PTPRM: variants seen among roughly 807,000 people sequenced by gnomAD.
PTPRM encodes receptor-type tyrosine-protein phosphatase mu.
In PTPRM, 47 loss-of-function variants were observed where a neutral mutation model predicts 186.7. That is an observed-to-expected ratio of 0.25 (90% confidence interval 0.20 to 0.32). The LOEUF (loss-of-function observed/expected upper bound fraction) is 0.32, where lower values mean the gene tolerates loss of function less well. PTPRM is among the 10% of genes least tolerant of loss of function. The probability of loss-of-function intolerance (pLI) is 1.00; values close to 1 mark genes in which losing one functional copy is unlikely to be tolerated. For synonymous variants in PTPRM, 668 were observed against 674.9 expected (o/e 0.99, Z 0.16); for missense variants, 1,494 against 1,865.0 (o/e 0.80, Z 3.66).
chr18:8,244,320 C>A, intron 15 of PTPRM, 111 bp downstream of exon 15: 1 of 1,123,974 alleles, frequency 8.9e-7, no homozygotes, highest in African/African-American at 1.6e-5. Flanking sequence ...AATTTTTATG[C>A]CGTGTTGGTT....
chr18:7,611,394 C>T (rs1390526439), intron 1 of PTPRM, among the ~76,000 whole-genome samples: 1 of 152,194 alleles, frequency 6.6e-6, no homozygotes, highest in African/African-American at 2.4e-5. Flanking sequence ...ACTTGCAGTC[C>T]TGCGAGCTCC....
intron 23 of PTPRM, chr18:8,366,811 A>AT (rs1316617088): frequency 1.3e-5 from 2 of 152,170 alleles, no homozygotes; most frequent in Non-Finnish European, 2.9e-5. Context: ...TAATTAGACG[A>AT]TCTGTTTCTG....
intron 19 of PTPRM, among the ~76,000 whole-genome samples, chr18:8,284,170 A>G (rs1294771353): frequency 6.6e-6 from 1 of 152,186 alleles, no homozygotes; most frequent in Non-Finnish European, 1.5e-5. Flanking sequence ...ATTGACCCTC[A>G]AGTTTACTTT....
chr18:8,359,582 A>AAAGTTAT (rs2095584321), intron 23 of PTPRM, among the ~76,000 whole-genome samples: 1 of 152,352 alleles, frequency 6.6e-6, no homozygotes, highest in African/African-American at 2.4e-5. Context: ...TGTCTGCCAC[A>AAAGTTAT]GTCTTTGGGG....
At chr18:7,592,064 C>T (rs779370637) in intron 1 of PTPRM, among the ~76,000 whole-genome samples, 10 of 152,064 alleles carry the variant, frequency 6.6e-5, no homozygotes, top group African/African-American at 1.2e-4. Context: ...TTTAGTGACC[C>T]GTTGTTTGAT....
At chr18:8,286,870 A>G (rs2147793737) in intron 19 of PTPRM, among the ~76,000 whole-genome samples, 1 of 152,248 alleles carries the variant, frequency 6.6e-6, no homozygotes, top group African/African-American at 2.4e-5. Flanking sequence ...AATTGTGCTG[A>G]TGGGTTTTAT....
At chr18:7,919,948 T>C (rs1229461542) in intron 4 of PTPRM, among the ~76,000 whole-genome samples, 1 of 152,148 alleles carries the variant, frequency 6.6e-6, no homozygotes, top group Non-Finnish European at 1.5e-5. Context: ...ATTACCATTT[T>C]TGTTTTTACA....
rs73379977 is a variant in PTPRM, at chr18:7,918,588, A to G, written c.548-7980A>G. Among the ~76,000 whole-genome samples, 677 of 152,288 alleles carry G rather than the reference A, an allele frequency of 4.4e-3. 8 individuals are homozygous for G. Among genetic ancestry groups the G allele is most frequent in the African/African-American group, 0.016 (645 of 41,566 alleles). On this transcript the variant is annotated intron_variant, in intron 4 of 32. Transcript: ENST00000580170. ...TACTTAACAACAGAATGGGTCAAGC[A>G]GAGGAAAGAATCAGTGAATCTGAAG...
At chr18:8,364,646 C>T (rs1308140139) in intron 23 of PTPRM, among the ~76,000 whole-genome samples, 1 of 152,150 alleles carries the variant, frequency 6.6e-6, no homozygotes, top group African/African-American at 2.4e-5. Flanking sequence ...TCTCAGCGGG[C>T]CCAAACACAA....
At chr18:7,973,812 A>G (rs572591160) in intron 7 of PTPRM, among the ~76,000 whole-genome samples, 24 of 152,288 alleles carry the variant, frequency 1.6e-4, no homozygotes, top group African/African-American at 4.1e-4. Flanking sequence ...GTAGATGTCT[A>G]CATATGCAAT....
intron 2 of PTPRM, among the ~76,000 whole-genome samples, chr18:7,868,764 C>A (rs116876408): frequency 3.3e-5 from 5 of 152,224 alleles, no homozygotes; most frequent in Admixed American, 6.5e-5. Flanking sequence ...AGCTGACAGG[C>A]AGAAACGTTT....
At chr18:7,584,047 A>C (rs913735130) in intron 1 of PTPRM, among the ~76,000 whole-genome samples, 4 of 152,170 alleles carry the variant, frequency 2.6e-5, no homozygotes, top group Non-Finnish European at 5.9e-5. Flanking sequence ...CTTTATCCGC[A>C]ATGGGAAAGA....
chr18:7,739,379 TTCTG>T (rs1406989396), intron 1 of PTPRM, among the ~76,000 whole-genome samples: 9 of 152,342 alleles, frequency 5.9e-5, no homozygotes, highest in East Asian at 1.9e-4. Context: ...CAAATTTGCT[TTCTG>T]TCTAACATCA....
chr18:7,999,601 A>T (rs2083747631), intron 7 of PTPRM, among the ~76,000 whole-genome samples: 1 of 151,758 alleles, frequency 6.6e-6, no homozygotes, highest in Non-Finnish European at 1.5e-5. Context: ...TGTTTAGGAG[A>T]TAGTGGTAAG....
At chr18:8,240,890 G>A (rs562566111) in intron 14 of PTPRM, among the ~76,000 whole-genome samples, 1 of 152,016 alleles carries the variant, frequency 6.6e-6, no homozygotes, top group Non-Finnish European at 1.5e-5. Flanking sequence ...CCCTCATGGA[G>A]CAGGTCTGTC....
chr18:8,389,859 CT>C (rs2095800208), intron 31 of PTPRM, among the ~76,000 whole-genome samples: 1 of 152,146 alleles, frequency 6.6e-6, no homozygotes. Context: ...GAGTTCCCGG[CT>C]GAGACAAGAC....
intron 31 of PTPRM, among the ~76,000 whole-genome samples, chr18:8,393,572 T>C (rs1568900325): frequency 6.6e-6 from 1 of 152,178 alleles, no homozygotes; most frequent in African/African-American, 2.4e-5. Flanking sequence ...CTACAGTCTG[T>C]GGTTTAGTTA....
chr18:8,338,372 T>TA (rs5823000), intron 22 of PTPRM, among the ~76,000 whole-genome samples: 50 of 148,104 alleles, frequency 3.4e-4, no homozygotes, highest in South Asian at 1.1e-3. Context: ...TTGTAATGCT[T>TA]AAAAAAAAAA....
At chr18:8,104,605 C>T (rs963469167) in intron 11 of PTPRM, among the ~76,000 whole-genome samples, 4 of 151,972 alleles carry the variant, frequency 2.6e-5, no homozygotes, top group East Asian at 3.9e-4. Context: ...TGCCACCACA[C>T]GCAGCTGATT....
Sources: allele counts gnomAD v4.1 joint callset (sites outside exome capture counted in the v4.1 genomes callset), GRCh38; gene constraint gnomAD v4.1.1; transcripts MANE v1.5; gene names NCBI Gene and HGNC (gene_info 2026-07-23, HGNC 2026-07-21).